Variants in ARHGEF10L observed in about 807,000 individuals in gnomAD.
ARHGEF10L encodes Rho guanine nucleotide exchange factor 10 like.
A neutral mutation model predicts 141.2 loss-of-function variants in ARHGEF10L; 69 were observed. The observed-to-expected ratio is 0.49, with a 90% CI of 0.40 to 0.60. ARHGEF10L has a LOEUF of 0.60. Ranked by LOEUF, ARHGEF10L falls within the 20% of genes least tolerant of loss-of-function variation. The probability of loss-of-function intolerance (pLI) is 0.00; values close to 1 mark genes in which losing one functional copy is unlikely to be tolerated. For missense variants in ARHGEF10L, 1,482 were observed against 1,734.3 expected (o/e 0.85, Z 2.58); for synonymous variants, 711 against 718.5 (o/e 0.99, Z 0.17).
intron 4 of ARHGEF10L, among the ~76,000 whole-genome samples, chr1:17,600,844 G>A (rs1020102760): frequency 1.3e-5 from 2 of 152,042 alleles, no homozygotes; most frequent in African/African-American, 4.8e-5. Flanking sequence ...GAGTTCAGGA[G>A]TTTGAGACCA....
At chr1:17,640,039 C>T (rs2061241424) in intron 20 of ARHGEF10L, 163 bp from the exon 21 acceptor site, 1 of 1,470,942 alleles carries the variant, frequency 6.8e-7, no homozygotes, top group Non-Finnish European at 9.0e-7. Flanking sequence ...GGGACCGAGG[C>T]TTTGCCAAGC....
rs758074332 is a variant in ARHGEF10L, at chr1:17,632,410, G to A, written c.1674G>A (p.Lys558=). The stretch of plus-strand genomic sequence containing the variant: ...ACCGCGGGCAGCTAATTAAGTCCAA[G>A]GAGCGTCGGGTCTTCCTGCTCAACG... ...YGDRGQLIKS[K]ERRVFLLNDM... is the part of the protein sequence containing the mutation. The change falls in exon 16 of 29, where the codon AAG becomes AAA. Residue 558 remains lysine (K), a synonymous_variant. Coordinates refer to ENST00000361221, the MANE Select transcript of ARHGEF10L (RefSeq NM_018125.4). 1.9e-6 allele frequency: 3 copies of A among 1,614,210 alleles called. No homozygotes were observed. The highest frequency in any genetic ancestry group is 1.7e-5 in the Admixed American group (1 of 60,030).
At chr1:17,548,119 C>G (rs2076980758) in intron 1 of ARHGEF10L, among the ~76,000 whole-genome samples, 1 of 152,070 alleles carries the variant, frequency 6.6e-6, no homozygotes, top group Non-Finnish European at 1.5e-5. Flanking sequence ...TGGCCCAGGT[C>G]AAAGCTTAGT....
At position 17,588,486 on chromosome 1, in the gene ARHGEF10L, G is replaced by A; in HGVS notation, c.257+7G>A. ...CTGCTCCACCCGGCACAGGGTAAGTGAACCTTGCTCCTTTGCTTTGGCGGT... is the reference window on the plus strand; with the variant it reads ...CTGCTCCACCCGGCACAGGGTAAGTAAACCTTGCTCCTTTGCTTTGGCGGT... On this transcript the variant is annotated splice_region_variant and intron_variant, in intron 4 of 28. Coordinates refer to ENST00000361221, the MANE Select transcript of ARHGEF10L (RefSeq NM_018125.4). The A allele has an allele frequency of 1.2e-6, 2 of 1,613,994 alleles. No homozygotes were observed. Among genetic ancestry groups the A allele is most frequent in the African/African-American group, 2.7e-5 (2 of 75,032 alleles).
intron 1 of ARHGEF10L, among the ~76,000 whole-genome samples, chr1:17,566,931 G>A (rs1171202919): frequency 1.1e-4 from 17 of 152,170 alleles, no homozygotes; most frequent in Admixed American, 2.6e-4. Flanking sequence ...CTCGAATGCC[G>A]TTGAACTTAA....
At chr1:17,608,583 A>G (rs940969633) in intron 7 of ARHGEF10L, among the ~76,000 whole-genome samples, 1 of 151,686 alleles carries the variant, frequency 6.6e-6, no homozygotes, top group African/African-American at 2.4e-5. Context: ...CCTGGAGGGG[A>G]GCCCCTGAGG....
In ARHGEF10L at chr1:17,627,664, C is replaced by T. The variant is rs942644870; in HGVS notation, c.1584+161C>T. Among the ~76,000 whole-genome samples, 7 of 152,276 alleles carry T rather than the reference C, an allele frequency of 4.6e-5. No homozygotes were observed. The highest frequency in any genetic ancestry group is 4.1e-4 in the South Asian group (2 of 4,820). On this transcript the variant is annotated intron_variant, in intron 15 of 28. Transcript: ENST00000361221. This position sits in a 1 kb window ranked among gnomAD's most constrained non-coding sequence, Gnocchi z 4.0. Reference sequence around the variant, plus strand: ...GTGACCTTGGGGATTGGATCCTCAGCGGGACCCCCACGTTCATTCCTGTTC... The same window carrying T: ...GTGACCTTGGGGATTGGATCCTCAGTGGGACCCCCACGTTCATTCCTGTTC...
chr1:17,642,200 A>T (rs1247898956), intron 21 of ARHGEF10L, among the ~76,000 whole-genome samples: 1 of 152,076 alleles, frequency 6.6e-6, no homozygotes, highest in Non-Finnish European at 1.5e-5. Flanking sequence ...GTTATGCTGT[A>T]CAGGGCATAG....
chr1:17,594,643 C>T (rs905778732), intron 4 of ARHGEF10L, among the ~76,000 whole-genome samples: 4 of 152,110 alleles, frequency 2.6e-5, no homozygotes, highest in Admixed American at 6.6e-5. Context: ...CCACCATGCC[C>T]GGCTAATTTT....
chr1:17,569,703 G>A (rs964557604), intron 1 of ARHGEF10L, among the ~76,000 whole-genome samples: 1 of 152,122 alleles, frequency 6.6e-6, no homozygotes, highest in Non-Finnish European at 1.5e-5. Context: ...CTCCTTCCCT[G>A]GGAAACTGAA....
rs561209407 is a variant in ARHGEF10L, at chr1:17,573,033, G to A, written c.-43-7520G>A. Among the ~76,000 whole-genome samples, 17 of 152,204 alleles carry A rather than the reference G, an allele frequency of 1.1e-4. No homozygotes were observed. Among genetic ancestry groups the A allele is most frequent in the African/African-American group, 3.4e-4 (14 of 41,526 alleles). The stretch of plus-strand genomic sequence containing the variant: ...CTGTTTCCCTTGGCAGTGCCCCTCC[G>A]TGAGCTCCAGCTCTTTCCTGCCATT... On this transcript the variant is annotated intron_variant, in intron 1 of 28. Coordinates refer to ENST00000361221, the MANE Select transcript of ARHGEF10L (RefSeq NM_018125.4). This position sits in a 1 kb window ranked among gnomAD's most constrained non-coding sequence, Gnocchi z 4.8.
chr1:17,687,339 C>A (rs554336995), intron 26 of ARHGEF10L, among the ~76,000 whole-genome samples: 1 of 152,174 alleles, frequency 6.6e-6, no homozygotes, highest in Non-Finnish European at 1.5e-5. Flanking sequence ...AATTGGCAAA[C>A]GCTGCAAACC....
At chr1:17,596,901 A>C (rs1306533704) in intron 4 of ARHGEF10L, among the ~76,000 whole-genome samples, 2 of 152,170 alleles carry the variant, frequency 1.3e-5, no homozygotes, top group Non-Finnish European at 2.9e-5. Context: ...AAAATACAAA[A>C]AAAAGTAGAT....
chr1:17,625,756 G>A lies in ARHGEF10L; in HGVS notation c.1318-200G>A, dbSNP rs572916626. ...CTGCTTTAGTCTCCTGAGGGTGCGCGGCCATGCAGGGGCACTGGTGGGAGA... is the reference window on the plus strand; with the variant it reads ...CTGCTTTAGTCTCCTGAGGGTGCGCAGCCATGCAGGGGCACTGGTGGGAGA... On this transcript the variant is annotated intron_variant, in intron 13 of 28. Coordinates refer to ENST00000361221, the MANE Select transcript of ARHGEF10L (RefSeq NM_018125.4). This position sits in a 1 kb window ranked among gnomAD's most constrained non-coding sequence, Gnocchi z 4.5. Among the ~76,000 whole-genome samples the A allele has an allele frequency of 5.3e-5, 8 of 152,288 alleles. No individual in the cohort carries two copies. The highest frequency in any genetic ancestry group is 4.1e-4 in the South Asian group (2 of 4,820).
chr1:17,524,934 A>G, the ARHGEF10L span, among the ~76,000 whole-genome samples: 1 of 152,200 alleles, frequency 6.6e-6, no homozygotes, highest in Non-Finnish European at 1.5e-5. Flanking sequence ...GCTGCCACCA[A>G]GTAAGTCCTC....
At chr1:17,527,125 A>G in the ARHGEF10L span, among the ~76,000 whole-genome samples, 2 of 152,136 alleles carry the variant, frequency 1.3e-5, no homozygotes, top group African/African-American at 4.8e-5. Flanking sequence ...CTCTCCTGGG[A>G]CTACCGACTT....
chr1:17,689,950 C>T (rs1030064981), intron 27 of ARHGEF10L: 37 of 416,620 alleles, frequency 8.9e-5, no homozygotes, highest in South Asian at 6.4e-4. Flanking sequence ...TTCACATGCA[C>T]CTTCACGCCC....
At chr1:17,622,958 C>T (rs758841615) in intron 11 of ARHGEF10L, 38 bp from the exon 12 acceptor site, 80 of 1,582,578 alleles carry the variant, frequency 5.1e-5, no homozygotes, top group Non-Finnish European at 6.1e-5. Flanking sequence ...AGAGAGGCTG[C>T]GGCCTGGCCT....
At position 17,621,297 on chromosome 1, in the gene ARHGEF10L, A is replaced by T. The variant is rs1478379312; in HGVS notation, c.943-567A>T. Among the ~76,000 whole-genome samples the T allele has an allele frequency of 6.6e-6, 1 of 152,018 alleles. No individual in the cohort carries two copies. Among genetic ancestry groups the T allele is most frequent in the African/African-American group, 2.4e-5 (1 of 41,376 alleles). On this transcript the variant is annotated intron_variant, in intron 10 of 28. Transcript: ENST00000361221. This position sits in a 1 kb window ranked among gnomAD's most constrained non-coding sequence, Gnocchi z 4.1. ...GCCCAGGCTGGAGTGCAGTGGCGCG[A>T]TCTTGGCCCACTGCAACCTCTGCCT...
Sources: gnomAD v4.1 joint callset for allele counts (sites outside exome capture counted in the v4.1 genomes callset) on GRCh38, gnomAD v4.1.1 for gene constraint, Gnocchi (gnomAD v3.1) non-coding constraint, MANE v1.5 for transcripts, NCBI Gene and HGNC (gene_info 2026-07-23, HGNC 2026-07-21) for gene names.